CCDC102B: variants seen among roughly 807,000 people sequenced by gnomAD.
The protein encoded by CCDC102B is coiled-coil domain-containing protein 102B.
A neutral mutation model predicts 57.4 loss-of-function variants in CCDC102B; 75 were observed. That is an observed-to-expected ratio of 1.31 (90% confidence interval 1.08 to 1.58). CCDC102B has a LOEUF of 1.58. Ranked by LOEUF, CCDC102B falls within the 40% of genes most tolerant of loss-of-function variation. The pLI is 0.00. For missense variants in CCDC102B, 636 were observed against 582.6 expected (o/e 1.09, Z -0.94); for synonymous variants, 206 against 201.9 (o/e 1.02, Z -0.17).
At chr18:68,842,553 C>G (rs1449349194) in intron 3 of CCDC102B, among the ~76,000 whole-genome samples, 2 of 152,082 alleles carry the variant, frequency 1.3e-5, no homozygotes, top group Non-Finnish European at 2.9e-5. Flanking sequence ...GAGGTGGCCA[C>G]CTAGACTTTT....
At chr18:68,836,625 A>C (rs2037377886) in intron 1 of CCDC102B, 124 bp from the exon 2 acceptor site, 1 of 415,780 alleles carries the variant, frequency 2.4e-6, no homozygotes, top group Non-Finnish European at 3.5e-6. Flanking sequence ...AGACTCTGTC[A>C]AAAATAAAAA....
chr18:69,013,426 G>A (rs982085867), intron 7 of CCDC102B, among the ~76,000 whole-genome samples: 1 of 152,132 alleles, frequency 6.6e-6, no homozygotes, highest in Non-Finnish European at 1.5e-5. Flanking sequence ...ACGGTAAAAT[G>A]TCCATTATTC....
At chr18:69,026,719 A>T (rs77438613) in intron 7 of CCDC102B, among the ~76,000 whole-genome samples, 4,502 of 152,274 alleles carry the variant, frequency 0.03, 146 homozygotes, top group East Asian at 0.16. Context: ...AAGTTCTCCA[A>T]GGTCACCCCT....
At chr18:68,922,043 G>A (rs1023609951) in intron 6 of CCDC102B, among the ~76,000 whole-genome samples, 7 of 152,184 alleles carry the variant, frequency 4.6e-5, no homozygotes, top group Non-Finnish European at 1.0e-4. Context: ...ATTCTGATCA[G>A]CAGTATGAGG....
At chr18:68,913,310 C>CTGTGTCTG (rs1555725394) in intron 6 of CCDC102B, among the ~76,000 whole-genome samples, 3 of 135,496 alleles carry the variant, frequency 2.2e-5, no homozygotes, top group Non-Finnish European at 4.7e-5. Context: ...TGGTTAGTGT[C>CTGTGTCTG]TGTGTGTGTG....
intron 7 of CCDC102B, among the ~76,000 whole-genome samples, chr18:69,045,183 T>C (rs573768107): frequency 1.3e-5 from 2 of 152,226 alleles, no homozygotes; most frequent in East Asian, 3.9e-4. Context: ...ATTCACATAT[T>C]GAATTGGAGG....
intron 4 of CCDC102B, among the ~76,000 whole-genome samples, chr18:68,848,659 ATACT>A (rs1298553937): frequency 2.0e-5 from 3 of 152,220 alleles, no homozygotes; most frequent in African/African-American, 4.8e-5. Context: ...GCTGAATTTA[ATACT>A]TACTCAGCTT....
intron 6 of CCDC102B, among the ~76,000 whole-genome samples, chr18:68,971,386 G>A (rs574627010): frequency 2.7e-4 from 41 of 151,910 alleles, no homozygotes; most frequent in Non-Finnish European, 5.0e-4. Flanking sequence ...TTCCCACTCA[G>A]CAATTATCTA....
At chr18:68,732,758 T>C (rs1347516886) in intron 2 of CCDC102B, among the ~76,000 whole-genome samples, 1 of 152,154 alleles carries the variant, frequency 6.6e-6, no homozygotes, top group African/African-American at 2.4e-5. Flanking sequence ...TCCAGTTTTC[T>C]CTTAAAATTT....
intron 2 of CCDC102B, among the ~76,000 whole-genome samples, chr18:68,726,261 G>A (rs1415709202): frequency 6.6e-6 from 1 of 152,132 alleles, no homozygotes; most frequent in African/African-American, 2.4e-5. Flanking sequence ...TCTTCATTCA[G>A]TACTAATTGG....
At chr18:68,856,774 G>A (rs1599574804) in intron 4 of CCDC102B, among the ~76,000 whole-genome samples, 2 of 151,442 alleles carry the variant, frequency 1.3e-5, no homozygotes, top group East Asian at 3.9e-4. Flanking sequence ...TTTCTACATG[G>A]CATTTTCCTA....
chr18:68,884,738 AATATATTTAT>A (rs1284587209), intron 5 of CCDC102B, among the ~76,000 whole-genome samples: 6 of 148,496 alleles, frequency 4.0e-5, no homozygotes, highest in Admixed American at 1.4e-4. Flanking sequence ...TATTCATTAT[AATATATTTAT>A]ATATATTTAT....
chr18:68,939,975 C>T (rs923548615), intron 6 of CCDC102B, among the ~76,000 whole-genome samples: 5 of 151,778 alleles, frequency 3.3e-5, no homozygotes, highest in African/African-American at 4.8e-5. Flanking sequence ...GGTGATCATA[C>T]TGTCAACACT....
chr18:68,760,209 T>G (rs1167021080), intron 2 of CCDC102B, among the ~76,000 whole-genome samples: 1 of 151,964 alleles, frequency 6.6e-6, no homozygotes, highest in African/African-American at 2.4e-5. Context: ...AAATAAAAGT[T>G]AACAAAAATA....
intron 6 of CCDC102B, among the ~76,000 whole-genome samples, chr18:68,905,765 T>C (rs1269361338): frequency 6.7e-6 from 1 of 148,374 alleles, no homozygotes; most frequent in Non-Finnish European, 1.5e-5. Context: ...TCATGTGATA[T>C]ATAATCTTTT....
intron 6 of CCDC102B, among the ~76,000 whole-genome samples, chr18:68,927,773 T>A (rs970344830): frequency 6.6e-6 from 1 of 151,860 alleles, no homozygotes; most frequent in African/African-American, 2.4e-5. Flanking sequence ...TTGCAGATAG[T>A]TGAGTGACCA....
intron 6 of CCDC102B, among the ~76,000 whole-genome samples, chr18:68,914,628 T>C (rs2040998237): frequency 6.6e-6 from 1 of 152,140 alleles, no homozygotes; most frequent in African/African-American, 2.4e-5. Context: ...TTGGAAACAT[T>C]TCTTCGTTTA....
intron 6 of CCDC102B, among the ~76,000 whole-genome samples, chr18:68,926,038 A>G (rs1323148195): frequency 6.6e-6 from 1 of 152,022 alleles, no homozygotes; most frequent in East Asian, 1.9e-4. Context: ...AATTAGCAAA[A>G]TATTAAAAAT....
chr18:68,814,793 T>C (rs185810223), intron 1 of CCDC102B, among the ~76,000 whole-genome samples: 131 of 152,176 alleles, frequency 8.6e-4, no homozygotes, highest in African/African-American at 3.0e-3. Context: ...TCCCAAAATA[T>C]TTCATTTGCA....
Sources: gnomAD v4.1 joint callset for allele counts (sites outside exome capture counted in the v4.1 genomes callset) on GRCh38, gnomAD v4.1.1 for gene constraint, MANE v1.5 for transcripts, NCBI Gene and HGNC (gene_info 2026-07-23, HGNC 2026-07-21) for gene names.